Variants in LRRC7 observed in about 807,000 individuals in gnomAD.
LRRC7 encodes leucine-rich repeat-containing protein 7.
A neutral mutation model predicts 175.7 loss-of-function variants in LRRC7; 23 were observed. That is an observed-to-expected ratio of 0.13 (90% CI 0.09 to 0.19). LRRC7 has a LOEUF of 0.19. Ranked by LOEUF, LRRC7 falls within the 10% of genes least tolerant of loss-of-function variation. LRRC7 has a pLI of 1.00. For missense variants in LRRC7, 1,354 were observed against 1,904.7 expected (o/e 0.71, Z 5.38); for synonymous variants, 685 against 680.9 (o/e 1.01, Z -0.09).
At chr1:69,936,242 T>C (rs1211914151) in intron 8 of LRRC7, among the ~76,000 whole-genome samples, 1 of 152,170 alleles carries the variant, frequency 6.6e-6, no homozygotes, top group Non-Finnish European at 1.5e-5. Flanking sequence ...TTTGTATGCA[T>C]TTAGAATTAG....
intron 7 of LRRC7, among the ~76,000 whole-genome samples, chr1:69,916,181 T>TAATATACATATTTTATATA (rs1471354328): frequency 7.1e-6 from 1 of 141,560 alleles, no homozygotes; most frequent in African/African-American, 2.6e-5. Context: ...ATAATATATA[T>TAATATACATATTTTATATA]TACATACATA....
At position 70,021,783 on chromosome 1, in the gene LRRC7, T is replaced by G. The variant is rs573488820; in HGVS notation, c.1545+654T>G. 1.7e-3 allele frequency among the ~76,000 whole-genome samples: 261 copies of G among 152,320 alleles called. 1 individual carries two copies. The highest frequency in any genetic ancestry group is 4.5e-3 in the African/African-American group (189 of 41,580). On this transcript the variant is annotated intron_variant, in intron 16 of 26. Transcript: ENST00000651989. ...GATTGAATTTTAAAATATGTATTTC[T>G]CCATTACTTACATTTTTAATTATCA...
Position 69,694,065 on chromosome 1 carries a change from G to A in LRRC7, c.100+15587G>A, listed in dbSNP as rs935813100. ...TCCTGGGTTTGATAATCCCATCCAGGAAAAAATTTCTCATGAAGTCACCAT... is the reference window on the plus strand; with the variant it reads ...TCCTGGGTTTGATAATCCCATCCAGAAAAAAATTTCTCATGAAGTCACCAT... On this transcript the variant is annotated intron_variant, in intron 2 of 26. Coordinates refer to ENST00000651989, the MANE Select transcript of LRRC7 (RefSeq NM_001370785.2). Among the ~76,000 whole-genome samples the A allele has an allele frequency of 3.3e-5, 5 of 152,132 alleles. No homozygotes were observed. In the South Asian group the frequency reaches 6.2e-4, roughly 19 times the overall value.
At chr1:69,805,457 A>T (rs1677008162) in intron 4 of LRRC7, among the ~76,000 whole-genome samples, 2 of 151,908 alleles carry the variant, frequency 1.3e-5, no homozygotes, top group African/African-American at 4.8e-5. Flanking sequence ...AATAAGCAAT[A>T]AATGTGTTCT....
intron 8 of LRRC7, among the ~76,000 whole-genome samples, chr1:69,961,958 C>A (rs1438924074): frequency 6.6e-6 from 1 of 151,952 alleles, no homozygotes; most frequent in East Asian, 1.9e-4. Flanking sequence ...ATGCCACAAC[C>A]AGTTGCAAAA....
chr1:70,036,717 G>A, intron 20 of LRRC7, 93 bp downstream of exon 20: 9 of 1,335,308 alleles, frequency 6.7e-6, no homozygotes, highest in Non-Finnish European at 1.0e-6. Flanking sequence ...ATTGTATTCG[G>A]CACACAAGTG....
chr1:69,739,233 T>C (rs1382582229), intron 2 of LRRC7, among the ~76,000 whole-genome samples: 1 of 151,950 alleles, frequency 6.6e-6, no homozygotes, highest in Non-Finnish European at 1.5e-5. Context: ...AGAGGGGAGA[T>C]AGGTACTAGC....
intron 21 of LRRC7, among the ~76,000 whole-genome samples, chr1:70,043,666 A>G (rs912006840): frequency 2.6e-5 from 4 of 152,236 alleles, no homozygotes; most frequent in African/African-American, 4.8e-5. Context: ...AGTCACTACT[A>G]TCACGATGTA....
intron 1 of LRRC7, among the ~76,000 whole-genome samples, chr1:69,585,265 T>A (rs1245057): frequency 0.15 from 22,962 of 152,138 alleles, 1,906 homozygotes; most frequent in Admixed American, 0.19. Flanking sequence ...CCTCACCATA[T>A]TTACTCTGTG....
At chr1:70,058,578 T>C (rs1267199189) in intron 23 of LRRC7, among the ~76,000 whole-genome samples, 2 of 152,176 alleles carry the variant, frequency 1.3e-5, no homozygotes. Flanking sequence ...GAATATTTGG[T>C]TTCATGTATT....
intron 9 of LRRC7, among the ~76,000 whole-genome samples, chr1:69,981,873 A>G (rs942097876): frequency 6.6e-6 from 1 of 152,230 alleles, no homozygotes. Flanking sequence ...TTGAATCCCT[A>G]CAACAATCCT....
In LRRC7 at chr1:70,131,156, C is replaced by G. The variant is rs1338356480; in HGVS notation, c.*9269C>G. On this transcript the variant is annotated 3_prime_UTR_variant, in exon 27 of 27. Transcript: ENST00000651989. ...TTACCTTGACAAAACCATGTTACCCCTCCCAAACTTTTATAGAGATAGAAT... is the reference window on the plus strand; with the variant it reads ...TTACCTTGACAAAACCATGTTACCCGTCCCAAACTTTTATAGAGATAGAAT... Among the ~76,000 whole-genome samples the G allele has an allele frequency of 6.6e-6, 1 of 152,186 alleles. No individual in the cohort carries two copies. The highest frequency in any genetic ancestry group is 1.5e-5 in the Non-Finnish European group (1 of 68,032).
chr1:69,667,424 T>G (rs1658423846), intron 1 of LRRC7, among the ~76,000 whole-genome samples: 1 of 152,160 alleles, frequency 6.6e-6, no homozygotes, highest in Admixed American at 6.6e-5. Context: ...CAGCTTTTAT[T>G]GTGTTGGGTT....
intron 14 of LRRC7, among the ~76,000 whole-genome samples, chr1:70,018,127 T>C (rs1199410036): frequency 6.6e-6 from 1 of 152,074 alleles, no homozygotes; most frequent in African/African-American, 2.4e-5. Context: ...ATCAGAGTTC[T>C]AGAATATCCC....
intron 8 of LRRC7, among the ~76,000 whole-genome samples, chr1:69,944,397 A>G (rs1649083419): frequency 6.6e-6 from 1 of 152,120 alleles, no homozygotes; most frequent in South Asian, 2.1e-4. Flanking sequence ...TAAGACATTT[A>G]TTTATTCATC....
intron 23 of LRRC7, among the ~76,000 whole-genome samples, chr1:70,064,388 T>C (rs939903262): frequency 1.3e-5 from 2 of 151,926 alleles, no homozygotes; most frequent in East Asian, 3.8e-4. Context: ...TCATATCATC[T>C]TCACAACTTT....
At chr1:69,608,903 C>T (rs575152786) in intron 1 of LRRC7, among the ~76,000 whole-genome samples, 127 of 138,252 alleles carry the variant, frequency 9.2e-4, no homozygotes, top group African/African-American at 3.1e-3. Flanking sequence ...TATATATACA[C>T]ACACACACAC....
At chr1:69,861,434 A>G (rs1186889390) in intron 7 of LRRC7, among the ~76,000 whole-genome samples, 1 of 152,222 alleles carries the variant, frequency 6.6e-6, no homozygotes, top group Non-Finnish European at 1.5e-5. Context: ...AGTGGTGACA[A>G]AAGAATATCA....
chr1:69,956,261 C>G (rs1557929020), intron 8 of LRRC7, among the ~76,000 whole-genome samples: 1 of 151,886 alleles, frequency 6.6e-6, no homozygotes, highest in Non-Finnish European at 1.5e-5. Flanking sequence ...ATATATATCT[C>G]TGTCCATTAA....
Sources: allele counts gnomAD v4.1 joint callset (sites outside exome capture counted in the v4.1 genomes callset), GRCh38; gene constraint gnomAD v4.1.1; transcripts MANE v1.5; gene names NCBI Gene and HGNC (gene_info 2026-07-23, HGNC 2026-07-21).